Variants in CNOT6L observed in about 807,000 individuals in gnomAD.
CNOT6L encodes CCR4-NOT transcription complex subunit 6-like.
CNOT6L carries 7 observed loss-of-function variants against 64.0 expected under a neutral mutation model. That is an observed-to-expected ratio of 0.11 (90% CI 0.06 to 0.21). CNOT6L has a LOEUF of 0.21. Among genes scored for constraint, CNOT6L ranks in the 10% least tolerant of loss-of-function variants. CNOT6L has a pLI of 1.00. For missense variants in CNOT6L, 245 were observed against 669.0 expected (o/e 0.37, Z 6.99); for synonymous variants, 193 against 243.4 (o/e 0.79, Z 1.93).
intron 1 of CNOT6L, among the ~76,000 whole-genome samples, chr4:77,799,362 C>T (rs570419528): frequency 1.3e-5 from 2 of 152,216 alleles, no homozygotes; most frequent in African/African-American, 4.8e-5. Context: ...CAGTGAACCA[C>T]GCTAATGCCA....
intron 1 of CNOT6L, among the ~76,000 whole-genome samples, chr4:77,812,668 A>C (rs1033746405): frequency 2.0e-5 from 3 of 152,074 alleles, no homozygotes; most frequent in Non-Finnish European, 4.4e-5. Flanking sequence ...CACTGTTGAC[A>C]CTTAAAGACG....
chr4:77,726,104 C>T (rs766154872), intron 11 of CNOT6L, 63 bp downstream of exon 11: 40 of 1,390,112 alleles, frequency 2.9e-5, no homozygotes, highest in Non-Finnish European at 4.0e-5. Flanking sequence ...AGAATTTACA[C>T]CTTTTTTGTT....
At chr4:77,819,891 G>A (rs910992903), upstream of CNOT6L, among the ~76,000 whole-genome samples, 6 of 151,568 alleles carry the variant, frequency 4.0e-5, no homozygotes, top group Non-Finnish European at 8.8e-5. Flanking sequence ...GGGCTTCGAG[G>A]ACAGTGACCC....
chr4:77,737,155 GTAA>G (rs1183328429), intron 8 of CNOT6L, among the ~76,000 whole-genome samples: 1 of 152,166 alleles, frequency 6.6e-6, no homozygotes, highest in Non-Finnish European at 1.5e-5. Flanking sequence ...AAGGGGCAAT[GTAA>G]TACACAGTCA....
At chr4:77,765,186 A>G (rs557446346) in intron 4 of CNOT6L, among the ~76,000 whole-genome samples, 1 of 152,342 alleles carries the variant, frequency 6.6e-6, no homozygotes, top group African/African-American at 2.4e-5. Context: ...TACAAAGGCC[A>G]TGGCAATGTC....
chr4:77,775,056 T>C (rs1728004725), intron 2 of CNOT6L, among the ~76,000 whole-genome samples: 2 of 152,170 alleles, frequency 1.3e-5, no homozygotes, highest in Admixed American at 6.5e-5. Context: ...GGAGACATTT[T>C]TGGTTGCCAC....
intron 5 of CNOT6L, among the ~76,000 whole-genome samples, chr4:77,749,494 T>A (rs1039147144): frequency 2.0e-5 from 3 of 152,310 alleles, no homozygotes; most frequent in African/African-American, 7.2e-5. Flanking sequence ...AAAATCTACC[T>A]AAGCTGGCTT....
intron 11 of CNOT6L, 98 bp downstream of exon 11, chr4:77,726,069 C>T (rs774935909): frequency 2.7e-6 from 3 of 1,103,688 alleles, no homozygotes; most frequent in Non-Finnish European, 4.1e-6. Context: ...CTAAAAATTC[C>T]TGAAGATTAT....
intron 4 of CNOT6L, among the ~76,000 whole-genome samples, chr4:77,765,505 T>C (rs1263092728): frequency 6.6e-6 from 1 of 152,222 alleles, no homozygotes; most frequent in African/African-American, 2.4e-5. Flanking sequence ...AAGGAATACA[T>C]TAATTCAATT....
At chr4:77,781,393 G>T (rs892995706) in intron 1 of CNOT6L, among the ~76,000 whole-genome samples, 1 of 152,018 alleles carries the variant, frequency 6.6e-6, no homozygotes, top group Non-Finnish European at 1.5e-5. Context: ...ATTTTAGGGG[G>T]TTTTTGTATT....
Position 77,819,074 on chromosome 4 carries a change from A to ACACACACACACC in CNOT6L, c.5+229_5+230insGGTGTGTGTGTG, listed in dbSNP as rs368900394. 3.2e-3 allele frequency: 2,297 copies of ACACACACACACC among 717,610 alleles called. 8 individuals are homozygous for ACACACACACACC. The highest frequency in any genetic ancestry group is 0.012 in the Middle Eastern group (34 of 2,792). The allele number at this position is 717,610 out of a possible 1,614,324, so 44.5% of individuals were successfully genotyped here. ...GACACACACACACACACACACACACACCCCGGAACCTTCGCCCGCCTCTGA... is the reference window on the plus strand; with the variant it reads ...GACACACACACACACACACACACACACACACACACACCCCCCGGAACCTTCGCCCGCCTCTGA... On this transcript the variant is annotated intron_variant, in intron 1 of 11. Coordinates refer to ENST00000504123, the MANE Select transcript of CNOT6L (RefSeq NM_144571.3).
chr4:77,775,193 C>A (rs1181829884), intron 2 of CNOT6L, among the ~76,000 whole-genome samples: 1 of 152,130 alleles, frequency 6.6e-6, no homozygotes, highest in East Asian at 1.9e-4. Context: ...GGCTAAGAAA[C>A]CCTAGATTAA....
intron 8 of CNOT6L, among the ~76,000 whole-genome samples, chr4:77,737,403 G>GTTT (rs1723076948): frequency 1.7e-5 from 2 of 116,048 alleles, no homozygotes; most frequent in African/African-American, 6.7e-5. Flanking sequence ...TATTTGTACC[G>GTTT]TTCTTTTTTT....
chr4:77,819,434 G>A (rs1229017512), upstream of CNOT6L: 9 of 1,580,444 alleles, frequency 5.7e-6, no homozygotes, highest in Non-Finnish European at 7.7e-6. Context: ...CGCGGCCGCA[G>A]ACGCAGACGC....
intron 1 of CNOT6L, among the ~76,000 whole-genome samples, chr4:77,810,690 ATAT>A (rs1288395568): frequency 6.6e-6 from 1 of 152,110 alleles, no homozygotes; most frequent in East Asian, 1.9e-4. Context: ...CTACATAATA[ATAT>A]TGTTAACTAT....
intron 1 of CNOT6L, among the ~76,000 whole-genome samples, chr4:77,800,409 G>C (rs1731393795): frequency 6.6e-6 from 1 of 151,742 alleles, no homozygotes; most frequent in Non-Finnish European, 1.5e-5. Context: ...CCAGCTTCTT[G>C]GGAGGCTTAG....
At chr4:77,795,081 A>C (rs921962689) in intron 1 of CNOT6L, among the ~76,000 whole-genome samples, 1 of 142,590 alleles carries the variant, frequency 7.0e-6, no homozygotes, top group Non-Finnish European at 1.5e-5. Flanking sequence ...GTGCAATGGC[A>C]CCATCTCGGC....
intron 10 of CNOT6L, among the ~76,000 whole-genome samples, chr4:77,727,278 G>C (rs1477656012): frequency 6.6e-6 from 1 of 152,036 alleles, no homozygotes; most frequent in African/African-American, 2.4e-5. Flanking sequence ...TGAAGAACTA[G>C]GCTGGGTGCG....
At chr4:77,795,846 G>T (rs957084321) in intron 1 of CNOT6L, among the ~76,000 whole-genome samples, 2 of 152,026 alleles carry the variant, frequency 1.3e-5, no homozygotes, top group African/African-American at 4.8e-5. Flanking sequence ...CTAAATAAAT[G>T]AAGACATACC....
Sources: allele counts gnomAD v4.1 joint callset (sites outside exome capture counted in the v4.1 genomes callset), GRCh38; gene constraint gnomAD v4.1.1; transcripts MANE v1.5; gene names NCBI Gene and HGNC (gene_info 2026-07-23, HGNC 2026-07-21).